SPINK13: variants seen among roughly 807,000 people sequenced by gnomAD.
SPINK13 encodes the protein serine peptidase inhibitor Kazal type 13.
Under a neutral mutation model 11.0 loss-of-function variants are expected in SPINK13, and 11 were observed. The observed-to-expected ratio is 1.00, with a 90% confidence interval of 0.63 to 1.65. SPINK13 has a LOEUF of 1.65. SPINK13 is among the 40% of genes most tolerant of loss of function. SPINK13 has a pLI of 0.00. For missense variants in SPINK13, 113 were observed against 117.7 expected, an observed-to-expected ratio of 0.96 and a Z score of 0.19; for synonymous variants, 31 against 35.6, an observed-to-expected ratio of 0.87 and a Z score of 0.46.
intron 2 of SPINK13, 38 bp from the exon 3 acceptor site, chr5:148,274,309 A>G: frequency 2.0e-6 from 3 of 1,534,332 alleles, no homozygotes; most frequent in South Asian, 2.3e-5. Context: ...ATGGAGAACT[A>G]TTTCCTTTAA....
At chr5:148,278,423 C>T (rs948267368) in intron 3 of SPINK13, among the ~76,000 whole-genome samples, 1 of 152,190 alleles carries the variant, frequency 6.6e-6, no homozygotes, top group Non-Finnish European at 1.5e-5. Flanking sequence ...ATAAATTTCC[C>T]TCTGAACACT....
At chr5:148,285,284 T>C (rs1399105177) in intron 4 of SPINK13, among the ~76,000 whole-genome samples, 1 of 152,106 alleles carries the variant, frequency 6.6e-6, no homozygotes, top group East Asian at 1.9e-4. Flanking sequence ...ACCAAATAAG[T>C]GCATTAGATA....
chr5:148,274,542 G>A (rs912413799), intron 3 of SPINK13, among the ~76,000 whole-genome samples, 158 bp downstream of exon 3: 1 of 152,166 alleles, frequency 6.6e-6, no homozygotes, highest in African/African-American at 2.4e-5. Context: ...GAGCCCAGGA[G>A]TTCAAGGTCG....
At chr5:148,269,476 A>G (rs1387706013) in intron 1 of SPINK13, among the ~76,000 whole-genome samples, 1 of 152,016 alleles carries the variant, frequency 6.6e-6, no homozygotes, top group Non-Finnish European at 1.5e-5. Context: ...TGTTTAACCC[A>G]TTCTTTATAT....
chr5:148,281,709 A>C (rs1469313126), intron 3 of SPINK13, among the ~76,000 whole-genome samples: 1 of 152,216 alleles, frequency 6.6e-6, no homozygotes, highest in Admixed American at 6.5e-5. Flanking sequence ...TGGGAGCTGC[A>C]GACCAGAGCT....
intron 3 of SPINK13, among the ~76,000 whole-genome samples, chr5:148,281,617 A>G (rs1211813010): frequency 6.6e-6 from 1 of 152,082 alleles, no homozygotes; most frequent in African/African-American, 2.4e-5. Context: ...GGCTGTACCC[A>G]CTGTCTAACC....
At chr5:148,275,620 A>G (rs1171965403) in intron 3 of SPINK13, among the ~76,000 whole-genome samples, 1 of 150,838 alleles carries the variant, frequency 6.6e-6, no homozygotes, top group Non-Finnish European at 1.5e-5. Context: ...AAGCATTCCT[A>G]TTTCTCCACA....
At position 148,282,172 on chromosome 5, in the gene SPINK13, T is replaced by G. The variant is rs775613322; in HGVS notation, c.177T>G (p.Pro59=). The G allele has an allele frequency of 6.2e-7, 1 of 1,614,224 alleles. No individual in the cohort carries two copies. The highest frequency in any genetic ancestry group is 2.2e-5 in the East Asian group (1 of 44,876). ...CAGACTGCCCCAATGTGACAGCACC[T>G]GTTTGTGCCTCAAATGGCCACACTT... The part of the protein sequence containing the change: ...YNADCPNVTA[P]VCASNGHTFQ... Residue 59 remains proline, a synonymous_variant, in exon 4 of 5, where the codon CCT becomes CCG. Coordinates refer to ENST00000398450, the MANE Select transcript of SPINK13 (RefSeq NM_001040129.3).
At chr5:148,271,482 A>T (rs774529702) in intron 2 of SPINK13, among the ~76,000 whole-genome samples, 13 of 152,038 alleles carry the variant, frequency 8.6e-5, no homozygotes, top group Non-Finnish European at 1.5e-4. Context: ...TTTTTCCCAA[A>T]ATTCTTACTT....
At chr5:148,281,689 T>C (rs918095280) in intron 3 of SPINK13, among the ~76,000 whole-genome samples, 13 of 152,316 alleles carry the variant, frequency 8.5e-5, no homozygotes, top group African/African-American at 3.1e-4. Flanking sequence ...ACCTTCTGCA[T>C]TGGTCTCACT....
intron 2 of SPINK13, among the ~76,000 whole-genome samples, chr5:148,273,110 C>A (rs1052350666): frequency 2.6e-4 from 39 of 152,016 alleles, no homozygotes; most frequent in Non-Finnish European, 8.8e-5. Context: ...ATTTCTGTAT[C>A]TTTTTGAGTA....
chr5:148,271,900 G>A (rs1448972009), intron 2 of SPINK13, among the ~76,000 whole-genome samples: 4 of 152,196 alleles, frequency 2.6e-5, no homozygotes, highest in African/African-American at 9.7e-5. Context: ...TGGGATTACA[G>A]GCGTGAGCCA....
chr5:148,281,503 A>G (rs546079655), intron 3 of SPINK13, among the ~76,000 whole-genome samples: 6 of 152,290 alleles, frequency 3.9e-5, no homozygotes, highest in African/African-American at 1.2e-4. Context: ...TGTCCTTCAC[A>G]GCACAGTCTC....
chr5:148,269,172 T>A (rs1756309642), intron 1 of SPINK13, among the ~76,000 whole-genome samples: 1 of 152,186 alleles, frequency 6.6e-6, no homozygotes, highest in Admixed American at 6.5e-5. Context: ...AATATTTCAC[T>A]CCTAGCAAAG....
chr5:148,271,976 T>G (rs749547057), intron 2 of SPINK13, among the ~76,000 whole-genome samples: 1 of 152,368 alleles, frequency 6.6e-6, no homozygotes, highest in Non-Finnish European at 1.5e-5. Flanking sequence ...TTTCATCTTT[T>G]GAAATTTGCT....
intron 3 of SPINK13, among the ~76,000 whole-genome samples, chr5:148,275,472 T>C (rs1756411470): frequency 6.6e-6 from 1 of 152,172 alleles, no homozygotes; most frequent in Non-Finnish European, 1.5e-5. Context: ...TATAATAGAA[T>C]GATTTATAAT....
intron 4 of SPINK13, among the ~76,000 whole-genome samples, chr5:148,283,522 TA>T (rs1211845073): frequency 6.6e-6 from 1 of 152,192 alleles, no homozygotes; most frequent in African/African-American, 2.4e-5. Flanking sequence ...CATGAGCTTC[TA>T]GTATCATGCT....
At chr5:148,269,226 C>T (rs935925516) in intron 1 of SPINK13, among the ~76,000 whole-genome samples, 1 of 152,140 alleles carries the variant, frequency 6.6e-6, no homozygotes, top group Admixed American at 6.6e-5. Flanking sequence ...TGTTTAAACT[C>T]TACTTATATT....
At chr5:148,277,410 G>A (rs1581166208) in intron 3 of SPINK13, among the ~76,000 whole-genome samples, 1 of 152,060 alleles carries the variant, frequency 6.6e-6, no homozygotes, top group South Asian at 2.1e-4. Context: ...ATTGGCTGTG[G>A]GTTTGTCATA....
Sources: gnomAD v4.1 joint callset for allele counts (sites outside exome capture counted in the v4.1 genomes callset) on GRCh38, gnomAD v4.1.1 for gene constraint, MANE v1.5 for transcripts, NCBI Gene and HGNC (gene_info 2026-07-23, HGNC 2026-07-21) for gene names.